The following SPTBN4 variants were observed in gnomAD, a reference collection of about 807,000 sequenced individuals.
The protein encoded by SPTBN4 is spectrin beta chain, non-erythrocytic 4.
In SPTBN4, 96 loss-of-function variants were observed where a neutral mutation model predicts 277.8. The ratio of observed to expected loss-of-function variants is 0.35; its 90% confidence interval spans 0.29 to 0.41. The LOEUF (loss-of-function observed/expected upper bound fraction) is 0.41, where lower values mean the gene tolerates loss of function less well. SPTBN4 is among the 10% of genes least tolerant of loss of function. The pLI is 1.00. For missense variants in SPTBN4, 3,006 were observed against 3,595.7 expected (o/e 0.84, Z 4.19); for synonymous variants, 1,481 against 1,580.3 (o/e 0.94, Z 1.49).
intron 17 of SPTBN4, among the ~76,000 whole-genome samples, chr19:40,525,320 C>CTTT (rs34066431): frequency 9.2e-5 from 12 of 130,636 alleles, no homozygotes; most frequent in Non-Finnish European, 9.6e-5. Context: ...CTTTGTTCCA[C>CTTT]TTTTTTTTTT....
At chr19:40,475,490 T>G (rs1392810066) in intron 2 of SPTBN4, among the ~76,000 whole-genome samples, 1 of 152,008 alleles carries the variant, frequency 6.6e-6, no homozygotes, top group East Asian at 1.9e-4. Context: ...AGGTGGAGTC[T>G]CACTCTGTTG....
At chr19:40,485,577 G>A (rs558349288) in intron 2 of SPTBN4, among the ~76,000 whole-genome samples, 1 of 152,246 alleles carries the variant, frequency 6.6e-6, no homozygotes, top group African/African-American at 2.4e-5. Context: ...AAGCGTACGT[G>A]GGAGGATTGC....
At chr19:40,521,448 G>A (rs547534498) in intron 16 of SPTBN4, among the ~76,000 whole-genome samples, 1 of 152,232 alleles carries the variant, frequency 6.6e-6, no homozygotes, top group African/African-American at 2.4e-5. Flanking sequence ...GCAACTAGAC[G>A]TTCCCATCTA....
At chr19:40,483,533 C>T (rs1599716482) in intron 2 of SPTBN4, among the ~76,000 whole-genome samples, 1 of 151,996 alleles carries the variant, frequency 6.6e-6, no homozygotes, top group East Asian at 1.9e-4. Flanking sequence ...GAATGTTTAC[C>T]TCTAGTTTGA....
intron 20 of SPTBN4, among the ~76,000 whole-genome samples, chr19:40,536,221 C>T (rs140835276): frequency 1.3e-5 from 2 of 151,594 alleles, no homozygotes; most frequent in Non-Finnish European, 2.9e-5. Flanking sequence ...TTCCTTCCTT[C>T]CTTGCTTCCT....
chr19:40,548,744 A>G (rs2080884522), intron 20 of SPTBN4, among the ~76,000 whole-genome samples: 1 of 151,572 alleles, frequency 6.6e-6, no homozygotes, highest in Non-Finnish European at 1.5e-5. Context: ...ACAAAAAATT[A>G]TTACTATATT....
rs1438895984 is a variant in SPTBN4, at chr19:40,520,086, C to G, written c.3589C>G (p.Gln1197Glu). ...LWEARREALV[Q>E]AHIYQLFLRD... Reference sequence around the variant, plus strand: ...GGAGGCGCGCAGGGAGGCGCTGGTCCAGGCGCACATCTACCAGCTCTTCCT... The same window carrying G: ...GGAGGCGCGCAGGGAGGCGCTGGTCGAGGCGCACATCTACCAGCTCTTCCT... Residue 1197 changes from glutamine to glutamate, a missense_variant, in exon 16 of 36, where the codon CAG (glutamine) becomes GAG (glutamate). This residue lies in a region of SPTBN4 where 1,759 missense variants were observed against 2,061.5 expected (regional missense o/e 0.85). Transcript: ENST00000598249. 2.0e-6 allele frequency: 3 copies of G among 1,496,274 alleles called. No homozygotes were observed. The highest frequency in any genetic ancestry group is 2.6e-5 in the East Asian group (1 of 39,164). 92.7% of individuals were successfully genotyped at this position (1,496,274 alleles called of 1,614,324 possible).
At chr19:40,548,495 A>T (rs2080881594) in intron 20 of SPTBN4, among the ~76,000 whole-genome samples, 1 of 151,758 alleles carries the variant, frequency 6.6e-6, no homozygotes, top group Non-Finnish European at 1.5e-5. Context: ...TGATTTGTTC[A>T]TCCTGAGGTC....
chr19:40,504,265 G>A (rs2080298811), intron 12 of SPTBN4, 133 bp downstream of exon 12: 3 of 962,466 alleles, frequency 3.1e-6, no homozygotes, highest in South Asian at 3.5e-5. Flanking sequence ...AGAAAGCCAG[G>A]GAGACAAAAA....
chr19:40,528,515 C>G (rs1339761251), intron 17 of SPTBN4, among the ~76,000 whole-genome samples: 1 of 152,204 alleles, frequency 6.6e-6, no homozygotes, highest in Non-Finnish European at 1.5e-5. Flanking sequence ...GCATTTGCCA[C>G]TCCTCTGCCT....
intron 13 of SPTBN4, 127 bp downstream of exon 13, chr19:40,506,513 C>T (rs1418335788): frequency 1.5e-6 from 2 of 1,348,324 alleles, no homozygotes; most frequent in African/African-American, 2.9e-5. Context: ...TTAAGCAGAG[C>T]CTAAGATTAC....
intron 25 of SPTBN4, among the ~76,000 whole-genome samples, chr19:40,556,635 G>A (rs545029607): frequency 7.9e-5 from 12 of 152,240 alleles, no homozygotes; most frequent in African/African-American, 2.9e-4. Flanking sequence ...GCCACAAAAT[G>A]GTAGCCTCTG....
intron 17 of SPTBN4, among the ~76,000 whole-genome samples, chr19:40,528,319 G>A (rs905411364): frequency 6.6e-6 from 1 of 152,188 alleles, no homozygotes; most frequent in African/African-American, 2.4e-5. Context: ...GCTCCAGAGT[G>A]GTACGGCCTG....
chr19:40,570,604 C>CGCTCCGCCCCGGCCCAGGGCG lies in SPTBN4; in HGVS notation c.7206_7226dup (p.Gln2404_Ala2410dup), dbSNP rs1294998316. On this transcript the variant is annotated inframe_insertion, in exon 33 of 36. Coordinates refer to ENST00000598249, the MANE Select transcript of SPTBN4 (RefSeq NM_020971.3). Reference sequence around the variant, plus strand: ...TGAGGGCGGGGGAAGCCGGCGCTCGCGCTCCGCCCCGGCCCAGGGCGGCTC... The same window carrying CGCTCCGCCCCGGCCCAGGGCG: ...TGAGGGCGGGGGAAGCCGGCGCTCGCGCTCCGCCCCGGCCCAGGGCGGCTCCGCCCCGGCCCAGGGCGGCTC... The CGCTCCGCCCCGGCCCAGGGCG allele has an allele frequency of 7.9e-6, 11 of 1,388,528 alleles. No homozygotes were observed. Among genetic ancestry groups the CGCTCCGCCCCGGCCCAGGGCG allele is most frequent in the African/African-American group, 6.1e-5 (4 of 65,792 alleles). The allele number at this position is 1,388,528 out of a possible 1,614,324, so 86.0% of individuals were successfully genotyped here.
Position 40,475,611 on chromosome 19 carries a change from A to G in SPTBN4, c.169+2821A>G, listed in dbSNP as rs2079937899. Among the ~76,000 whole-genome samples the G allele has an allele frequency of 2.6e-5, 4 of 151,856 alleles. No homozygotes were observed. In the South Asian group the frequency reaches 8.3e-4, roughly 32 times the overall value. On this transcript the variant is annotated intron_variant, in intron 2 of 35. Coordinates refer to ENST00000598249, the MANE Select transcript of SPTBN4 (RefSeq NM_020971.3). ...CGAGTAGCTGGGACTACAGGCCCGC[A>G]CCACCATGCCTGGCTAATTTTTGTA... is the stretch of plus-strand genomic sequence containing the variant.
chr19:40,565,432 A>T lies in SPTBN4; in HGVS notation c.5925A>T (p.Ser1975=), dbSNP rs753507105. The change falls in exon 28 of 36, where the codon TCA becomes TCT. Residue 1975 remains serine, a synonymous_variant. Transcript: ENST00000598249. ...CTGCCACCCACTGCAGGGACGTGTC[A>T]TCAGTGGAGGTGCTCATGAACTACC... The part of the protein sequence containing the change: ...IGAADKPRDV[S]SVEVLMNYHQ... 3.1e-6 allele frequency: 5 copies of T among 1,613,516 alleles called. No individual in the cohort carries two copies. Among genetic ancestry groups the T allele is most frequent in the Non-Finnish European group, 4.2e-6 (5 of 1,179,656 alleles).
chr19:40,472,883 C>A, intron 2 of SPTBN4, 93 bp downstream of exon 2: 1 of 1,260,914 alleles, frequency 7.9e-7, no homozygotes, highest in Non-Finnish European at 1.1e-6. Flanking sequence ...GGAAAAGAGA[C>A]CAGCACTGTC....
At chr19:40,572,494 C>G in intron 35 of SPTBN4, 114 bp downstream of exon 35, 1 of 1,361,866 alleles carries the variant, frequency 7.3e-7, no homozygotes, top group Non-Finnish European at 1.0e-6. Context: ...CCAGAGTTAT[C>G]AGGGCTGTAA....
intron 20 of SPTBN4, 195 bp downstream of exon 20, chr19:40,534,538 G>T (rs2080713730): frequency 2.9e-6 from 2 of 680,822 alleles, no homozygotes; most frequent in Non-Finnish European, 2.4e-6. Context: ...ACTCCCTAAG[G>T]TATGGAGTAC....
Sources: allele counts gnomAD v4.1 joint callset (sites outside exome capture counted in the v4.1 genomes callset), GRCh38; gene constraint gnomAD v4.1.1; regional missense constraint gnomAD v4.1.1; transcripts MANE v1.5; gene names NCBI Gene and HGNC (gene_info 2026-07-23, HGNC 2026-07-21).